MTMR8: variants seen among roughly 807,000 people sequenced by gnomAD.
The protein encoded by MTMR8 is phosphatidylinositol-3,5-bisphosphate 3-phosphatase MTMR8.
MTMR8 carries 65 observed loss-of-function variants against 39.3 expected under a neutral mutation model. That is an observed-to-expected ratio of 1.65 (90% confidence interval 1.35 to 2.03). MTMR8 has a LOEUF of 2.03. MTMR8 is among the 30% of genes most tolerant of loss of function. The pLI is 0.00. For missense variants in MTMR8, 777 were observed against 538.9 expected, an observed-to-expected ratio of 1.44 and a Z score of -4.37; for synonymous variants, 245 against 185.2, an observed-to-expected ratio of 1.32 and a Z score of -2.62.
At chrX:64,369,965 A>C (rs1334678231) in intron 1 of MTMR8, among the ~76,000 whole-genome samples, 3 of 111,708 alleles carry the variant, frequency 2.7e-5, no homozygotes, top group African/African-American at 9.8e-5. Flanking sequence ...TTTCATGTGT[A>C]TAAAACAACT....
rs1031270784 is a variant in MTMR8, at chrX:64,378,253, G to C, written c.24+17087C>G. On this transcript the variant is annotated intron_variant, in intron 1 of 13. Coordinates refer to ENST00000374852, the MANE Select transcript of MTMR8 (RefSeq NM_017677.4). ...AGAAGAAATACATAAAAATAGAGGG[G>C]TCAGTTCTCTAAGAACATATTTTTT... Among the ~76,000 whole-genome samples the C allele has an allele frequency of 2.7e-5, 3 of 111,892 alleles. No homozygotes were observed. The East Asian group carries it at 8.4e-4, about 31-fold the overall frequency.
chrX:64,381,085 C>T (rs753130005), intron 1 of MTMR8, among the ~76,000 whole-genome samples: 10 of 112,069 alleles, frequency 8.9e-5, no homozygotes, highest in Non-Finnish European at 1.7e-4. Context: ...AGCAGCATGA[C>T]TTATAATCCT....
At chrX:64,303,137 T>A (rs1307877575) in intron 12 of MTMR8, among the ~76,000 whole-genome samples, 2 of 112,576 alleles carry the variant, frequency 1.8e-5, no homozygotes, top group African/African-American at 6.4e-5. Flanking sequence ...AGCTTTTCAG[T>A]ATCTTTGACA....
chrX:64,271,690 C>T (rs1931765954), intron 12 of MTMR8, among the ~76,000 whole-genome samples: 1 of 112,538 alleles, frequency 8.9e-6, no homozygotes. Flanking sequence ...ACCTAACATC[C>T]CAACTTCTCC....
chrX:64,345,737 T>G (rs903322136), intron 6 of MTMR8, among the ~76,000 whole-genome samples: 1 of 111,846 alleles, frequency 8.9e-6, no homozygotes, highest in Non-Finnish European at 1.9e-5. Flanking sequence ...CTCAGCCTCC[T>G]GAACAGCTAA....
intron 11 of MTMR8, 44 bp downstream of exon 11, chrX:64,331,513 A>G (rs1922938016): frequency 1.7e-6 from 2 of 1,151,598 alleles, no homozygotes; most frequent in East Asian, 6.1e-5. Context: ...TTTTGCACTG[A>G]CCACCTTCTC....
intron 2 of MTMR8, among the ~76,000 whole-genome samples, chrX:64,357,218 C>T (rs749105882): frequency 3.6e-5 from 4 of 111,346 alleles, no homozygotes; most frequent in Non-Finnish European, 7.5e-5. Flanking sequence ...AACTATGGAG[C>T]CTGGATGTGC....
intron 4 of MTMR8, 75 bp from the exon 5 acceptor site, chrX:64,350,145 T>C (rs1259329278): frequency 1.6e-6 from 1 of 616,461 alleles, no homozygotes; most frequent in East Asian, 7.1e-5. Context: ...TGGAAATACG[T>C]ATTTTGGTAA....
At chrX:64,360,869 ACAGT>A (rs1486631439) in intron 1 of MTMR8, among the ~76,000 whole-genome samples, 3 of 111,701 alleles carry the variant, frequency 2.7e-5, no homozygotes, top group Non-Finnish European at 3.8e-5. Flanking sequence ...TACTAGTTGA[ACAGT>A]CAATGTAATG....
At chrX:64,324,077 AAG>A (rs1408376540) in intron 12 of MTMR8, among the ~76,000 whole-genome samples, 1 of 112,922 alleles carries the variant, frequency 8.9e-6, no homozygotes, top group African/African-American at 3.2e-5. Context: ...AAATAAATGA[AAG>A]TGCCCAGGCA....
At chrX:64,326,543 A>G (rs996188504) in intron 12 of MTMR8, among the ~76,000 whole-genome samples, 3 of 111,691 alleles carry the variant, frequency 2.7e-5, no homozygotes, top group African/African-American at 6.5e-5. Flanking sequence ...GAAATTGAAG[A>G]GGACACAGAT....
intron 12 of MTMR8, among the ~76,000 whole-genome samples, chrX:64,287,288 C>G (rs752400649): frequency 1.4e-4 from 16 of 111,093 alleles, no homozygotes; most frequent in East Asian, 2.8e-4. Context: ...AGGAGAACTA[C>G]AAACCACTGC....
intron 1 of MTMR8, among the ~76,000 whole-genome samples, chrX:64,363,513 G>A (rs1476024622): frequency 8.9e-6 from 1 of 112,189 alleles, no homozygotes; most frequent in Admixed American, 9.4e-5. Context: ...ATTGTAAGCT[G>A]TCTGAGGCCT....
intron 12 of MTMR8, among the ~76,000 whole-genome samples, chrX:64,290,890 G>T (rs999713148): frequency 4.5e-5 from 5 of 111,685 alleles, no homozygotes; most frequent in Admixed American, 9.5e-5. Context: ...TTCAGTTTTT[G>T]ACTATATGAA....
At chrX:64,273,048 T>A (rs769068247) in intron 12 of MTMR8, among the ~76,000 whole-genome samples, 1 of 111,328 alleles carries the variant, frequency 9.0e-6, no homozygotes, top group South Asian at 3.7e-4. Flanking sequence ...GGAAGTCTTC[T>A]CCTTAGATTG....
chrX:64,356,415 G>A lies in MTMR8; in HGVS notation c.148-77C>T, dbSNP rs151138924. 7,907 of 943,006 alleles carry A rather than the reference G, an allele frequency of 8.4e-3. 26 individuals carry two copies. The highest frequency in any genetic ancestry group is 9.9e-3 in the Non-Finnish European group (6,775 of 687,169). 77.7% of individuals were successfully genotyped at this position (943,006 alleles called of 1,213,427 possible). A position where few individuals can be genotyped will look rare whatever the true frequency, so the allele number is the denominator to read the frequency against. On this transcript the variant is annotated intron_variant, in intron 2 of 13. Transcript: ENST00000374852. ...TCACTATCAGTATTCCTGACTCTCC[G>A]TAATGGTAACAGCATGACCAGATCT... is the stretch of plus-strand genomic sequence containing the variant.
intron 1 of MTMR8, among the ~76,000 whole-genome samples, chrX:64,370,785 C>T (rs1276840117): frequency 1.8e-5 from 2 of 111,656 alleles, no homozygotes; most frequent in Non-Finnish European, 3.8e-5. Context: ...TAGTGAGGCA[C>T]TTCTCAGAAC....
At chrX:64,327,747 C>T (rs775672778) in intron 12 of MTMR8, among the ~76,000 whole-genome samples, 2 of 112,028 alleles carry the variant, frequency 1.8e-5, no homozygotes, top group South Asian at 3.7e-4. Context: ...TATTGCAGCA[C>T]TATTCACAAT....
At chrX:64,389,053 T>C (rs1195046178) in intron 1 of MTMR8, among the ~76,000 whole-genome samples, 3 of 111,967 alleles carry the variant, frequency 2.7e-5, no homozygotes, top group African/African-American at 9.7e-5. Context: ...TCTGGGCAAG[T>C]TGCTTAAGCT....
Sources: allele counts gnomAD v4.1 joint callset (sites outside exome capture counted in the v4.1 genomes callset), GRCh38; gene constraint gnomAD v4.1.1; transcripts MANE v1.5; gene names NCBI Gene and HGNC (gene_info 2026-07-23, HGNC 2026-07-21).